Variants in CREB5 observed in about 807,000 individuals in gnomAD.
CREB5 encodes the protein cAMP responsive element binding protein 5.
In CREB5, 19 loss-of-function variants were observed where a neutral mutation model predicts 57.1. That is an observed-to-expected ratio of 0.33 (90% CI 0.23 to 0.49). The LOEUF (loss-of-function observed/expected upper bound fraction) is 0.49. Ranked by LOEUF, CREB5 falls within the 20% of genes least tolerant of loss-of-function variation. The pLI is 0.99. For synonymous variants in CREB5, 238 were observed against 238.3 expected (o/e 1.00, Z 0.01); for missense variants, 579 against 671.6 (o/e 0.86, Z 1.52).
chr7:28,557,065 TCC>T (rs1794909081), intron 4 of CREB5, among the ~76,000 whole-genome samples: 1 of 142,346 alleles, frequency 7.0e-6, no homozygotes, highest in South Asian at 2.2e-4. Context: ...CCCAGGGCTT[TCC>T]TACAATCTGT....
chr7:28,673,505 T>C (rs1800150515), intron 5 of CREB5, among the ~76,000 whole-genome samples: 1 of 152,188 alleles, frequency 6.6e-6, no homozygotes. Flanking sequence ...TGCTTTATGA[T>C]TTTCTTTTTA....
Position 28,333,237 on chromosome 7 carries a change from G to A in CREB5, c.-25+33796G>A, listed in dbSNP as rs138192909. ...TTTTTCTACTTTTATATTTTGTTTA[G>A]CCTGTTGGTTTTATACTTTTTAATT... is the stretch of plus-strand genomic sequence containing the variant. On this transcript the variant is annotated intron_variant, in intron 1 of 9. Coordinates refer to the CREB5 transcript ENST00000396299. 5.9e-3 allele frequency among the ~76,000 whole-genome samples: 892 copies of A among 152,144 alleles called. 9 individuals carry two copies. Among genetic ancestry groups the A allele is most frequent in the African/African-American group, 0.02 (841 of 41,504 alleles).
chr7:28,805,644 T>G (rs1420942644), intron 8 of CREB5, among the ~76,000 whole-genome samples: 1 of 152,190 alleles, frequency 6.6e-6, no homozygotes, highest in African/African-American at 2.4e-5. Flanking sequence ...AAGCTATTCA[T>G]TAGATAAACT....
chr7:28,503,780 G>A (rs548707980), intron 3 of CREB5, among the ~76,000 whole-genome samples: 1 of 152,162 alleles, frequency 6.6e-6, no homozygotes, highest in Non-Finnish European at 1.5e-5. Flanking sequence ...GGATGGCATA[G>A]GCATGGGATT....
Position 28,560,897 on chromosome 7 carries a change from C to CGTGTGTGT in CREB5, c.292-9465_292-9464insTGTGTGTG, listed in dbSNP as rs1334757992. On this transcript the variant is annotated intron_variant, in intron 4 of 10. Coordinates refer to ENST00000357727, the MANE Select transcript of CREB5 (RefSeq NM_182898.4). ...GCGCGTGCGTGCGTGCGTGTGTGTG[C>CGTGTGTGT]GTGCGCGCGTGCGTGTGCGTGTGTG... 4.0e-4 allele frequency among the ~76,000 whole-genome samples: 9 copies of CGTGTGTGT among 22,548 alleles called. 2 individuals are homozygous for CGTGTGTGT. Among genetic ancestry groups the CGTGTGTGT allele is most frequent in the African/African-American group, 1.4e-3 (9 of 6,380 alleles). The allele number at this position is 22,548 out of a possible 152,430, so 14.8% of individuals were successfully genotyped here. A position where few individuals can be genotyped will look rare whatever the true frequency, so the allele number is the denominator to read the frequency against.
chr7:28,544,964 G>A (rs1794360704), intron 4 of CREB5, among the ~76,000 whole-genome samples: 1 of 152,186 alleles, frequency 6.6e-6, no homozygotes, highest in South Asian at 2.1e-4. Context: ...TTATCATAAT[G>A]TAATTGGCTG....
intron 7 of CREB5, among the ~76,000 whole-genome samples, chr7:28,782,487 TAAA>T (rs1807046213): frequency 6.6e-6 from 1 of 152,004 alleles, no homozygotes; most frequent in African/African-American, 2.4e-5. Flanking sequence ...GATCTGAAAA[TAAA>T]AAGAAGAAAT....
chr7:28,577,567 G>C (rs931703755), intron 5 of CREB5, among the ~76,000 whole-genome samples: 1 of 152,198 alleles, frequency 6.6e-6, no homozygotes, highest in African/African-American at 2.4e-5. Flanking sequence ...TTGCAGTTGA[G>C]TAAAGTAAGG....
chr7:28,714,073 C>A (rs753309749), intron 5 of CREB5, among the ~76,000 whole-genome samples: 1 of 151,886 alleles, frequency 6.6e-6, no homozygotes, highest in African/African-American at 2.4e-5. Flanking sequence ...CCACCTCCTG[C>A]GCTCAAGTGA....
At chr7:28,622,259 TCACACACACACACA>T (rs4000593) in intron 5 of CREB5, among the ~76,000 whole-genome samples, 93 of 142,896 alleles carry the variant, frequency 6.5e-4, no homozygotes, top group South Asian at 1.1e-3. Context: ...TCTCTCTCTC[TCACACACACACACA>T]CACACACACA....
chr7:28,723,522 G>A (rs971448749), intron 6 of CREB5, among the ~76,000 whole-genome samples: 18 of 152,108 alleles, frequency 1.2e-4, no homozygotes, highest in African/African-American at 3.9e-4. Context: ...CAAAGACTTA[G>A]CCCTGCTATG....
At chr7:28,753,409 A>T (rs144549756) in intron 7 of CREB5, among the ~76,000 whole-genome samples, 26 of 152,162 alleles carry the variant, frequency 1.7e-4, no homozygotes, top group Non-Finnish European at 3.7e-4. Context: ...CACACTCACA[A>T]TTGGTAGAAA....
chr7:28,451,520 T>C (rs1004645769), intron 1 of CREB5, among the ~76,000 whole-genome samples: 10 of 151,814 alleles, frequency 6.6e-5, no homozygotes, highest in African/African-American at 2.4e-4. Context: ...GTACTTTTTT[T>C]TTCCTGGAAA....
chr7:28,777,139 T>C (rs1401840278), intron 7 of CREB5, among the ~76,000 whole-genome samples: 2 of 152,220 alleles, frequency 1.3e-5, no homozygotes, highest in Non-Finnish European at 2.9e-5. Context: ...TCAAAGCGAC[T>C]GAACCATTTT....
rs1180638588 is a variant in CREB5, at chr7:28,560,864, G to C, written c.292-9501G>C. Among the ~76,000 whole-genome samples the C allele has an allele frequency of 1.8e-4, 4 of 22,462 alleles. 1 individual carries two copies. Among genetic ancestry groups the C allele is most frequent in the Non-Finnish European group, 3.4e-4 (4 of 11,678 alleles). 14.7% of individuals were successfully genotyped at this position (22,462 alleles called of 152,430 possible). A position where few individuals can be genotyped will look rare whatever the true frequency, so the allele number is the denominator to read the frequency against. ...TGTGTGCGCGTGTGTGTGTGCGTGTGCCTGCGTGCGCGTGCGTGCGTGCGT... is the reference window on the plus strand; with the variant it reads ...TGTGTGCGCGTGTGTGTGTGCGTGTCCCTGCGTGCGCGTGCGTGCGTGCGT... On this transcript the variant is annotated intron_variant, in intron 4 of 10. Transcript: ENST00000357727.
rs1562705313 is a variant in CREB5 at position 28,421,500 on chromosome 7, A to C, written c.3+8583A>C. On this transcript the variant is annotated intron_variant, in intron 1 of 10. Coordinates refer to ENST00000357727, the MANE Select transcript of CREB5 (RefSeq NM_182898.4). The stretch of plus-strand genomic sequence containing the variant: ...TTTACTGTCATAATGGGAAGGTCAA[A>C]AATCTAAACAGGACTTTTGCACTTT... Among the ~76,000 whole-genome samples the C allele has an allele frequency of 3.3e-5, 5 of 152,088 alleles. No individual in the cohort carries two copies. The South Asian group carries it at 1.0e-3, about 32-fold the overall frequency.
At chr7:28,663,229 G>A (rs1562557326) in intron 5 of CREB5, among the ~76,000 whole-genome samples, 1 of 152,000 alleles carries the variant, frequency 6.6e-6, no homozygotes, top group Admixed American at 6.5e-5. Flanking sequence ...TCTTGAGACA[G>A]GGTCTCACTC....
intron 3 of CREB5, among the ~76,000 whole-genome samples, chr7:28,495,629 T>C (rs1365999208): frequency 1.3e-5 from 2 of 152,100 alleles, no homozygotes; most frequent in Admixed American, 6.5e-5. Context: ...CTGTGAGCCA[T>C]GGGAAATGCA....
chr7:28,660,825 A>G (rs909355287), intron 5 of CREB5, among the ~76,000 whole-genome samples: 1 of 152,082 alleles, frequency 6.6e-6, no homozygotes, highest in Non-Finnish European at 1.5e-5. Context: ...GGAAAAAGCC[A>G]TCCTCCTTGG....
Sources: allele counts gnomAD v4.1 joint callset (sites outside exome capture counted in the v4.1 genomes callset), GRCh38; gene constraint gnomAD v4.1.1; transcripts MANE v1.5; gene names NCBI Gene and HGNC (gene_info 2026-07-23, HGNC 2026-07-21).